SLCO1A2: variants seen among roughly 807,000 people sequenced by gnomAD.
SLCO1A2 encodes solute carrier organic anion transporter family member 1A2.
In SLCO1A2, 67 loss-of-function variants were observed where a neutral mutation model predicts 69.0. That is an observed-to-expected ratio of 0.97 (90% CI 0.80 to 1.19). SLCO1A2 has a LOEUF of 1.19. SLCO1A2 is among the 50% of genes most tolerant of loss of function. SLCO1A2 has a pLI of 0.00. For missense variants in SLCO1A2, 787 were observed against 793.7 expected (o/e 0.99, Z 0.10); for synonymous variants, 260 against 265.9 (o/e 0.98, Z 0.22).
At chr12:21,298,554 C>T (rs186560026) in intron 8 of SLCO1A2, among the ~76,000 whole-genome samples, 162 of 152,268 alleles carry the variant, frequency 1.1e-3, no homozygotes, top group Middle Eastern at 0.01. Context: ...AAGAGGAGGA[C>T]ACACAGATTA....
intron 2 of SLCO1A2, among the ~76,000 whole-genome samples, chr12:21,350,075 A>G (rs917406436): frequency 6.6e-6 from 1 of 152,178 alleles, no homozygotes; most frequent in Non-Finnish European, 1.5e-5. Flanking sequence ...CCAATTATCA[A>G]ATTGTCAAAG....
At chr12:21,388,426 C>G (rs979483623) in intron 1 of SLCO1A2, among the ~76,000 whole-genome samples, 1 of 152,100 alleles carries the variant, frequency 6.6e-6, no homozygotes, top group Non-Finnish European at 1.5e-5. Context: ...CCATGCCGTT[C>G]TTGTGATAGT....
chr12:21,318,970 G>A (rs1951233245), intron 2 of SLCO1A2, 47 bp from the exon 3 acceptor site: 2 of 1,430,932 alleles, frequency 1.4e-6, no homozygotes, highest in Non-Finnish European at 1.9e-6. Flanking sequence ...TTTTTAAATT[G>A]TATACTTGCC....
At chr12:21,369,300 G>A (rs987861042) in intron 2 of SLCO1A2, among the ~76,000 whole-genome samples, 1 of 151,940 alleles carries the variant, frequency 6.6e-6, no homozygotes, top group African/African-American at 2.4e-5. Flanking sequence ...ATATGACTTG[G>A]AGTCATTTAC....
chr12:21,328,360 A>G (rs937012086), intron 2 of SLCO1A2, among the ~76,000 whole-genome samples: 1 of 152,184 alleles, frequency 6.6e-6, no homozygotes, highest in East Asian at 1.9e-4. Flanking sequence ...CCAGAAATGC[A>G]GTTACAAATG....
At chr12:21,280,688 AATAAAT>A (rs1355970424) in intron 12 of SLCO1A2, among the ~76,000 whole-genome samples, 6 of 150,984 alleles carry the variant, frequency 4.0e-5, no homozygotes, top group Non-Finnish European at 8.9e-5. Flanking sequence ...CAAAAAAAAA[AATAAAT>A]AAATAAACAA....
intron 2 of SLCO1A2, among the ~76,000 whole-genome samples, chr12:21,370,267 C>CAT (rs1187135365): frequency 6.6e-6 from 1 of 151,866 alleles, no homozygotes; most frequent in Non-Finnish European, 1.5e-5. Flanking sequence ...TGGGATATCG[C>CAT]ATATCAATTT....
intron 12 of SLCO1A2, among the ~76,000 whole-genome samples, chr12:21,284,072 A>G (rs540432601): frequency 5.9e-5 from 9 of 152,246 alleles, no homozygotes; most frequent in African/African-American, 2.2e-4. Context: ...ATTAATATAT[A>G]CCCAAAAGAA....
rs1376571192 is a variant in SLCO1A2 at position 21,301,210 on chromosome 12, A to G, written c.649T>C (p.Cys217Arg). Residue 217 changes from cysteine to arginine, a missense_variant, in exon 7 of 15, where the codon TGT becomes CGT. Coordinates refer to ENST00000683939, the MANE Select transcript of SLCO1A2 (RefSeq NM_001386879.1). ...PLIGLLLASFCANVYVDTGFV... is the reference protein window; with the variant it reads ...PLIGLLLASFRANVYVDTGFV... The stretch of plus-strand genomic sequence containing the variant: ...CCAGTGTCAACATAAACATTTGCAC[A>G]GAATGATGCCAACAAAAGTCCAATC... 1 of 1,612,694 alleles carries G rather than the reference A, an allele frequency of 6.2e-7. No homozygotes were observed. Among genetic ancestry groups the G allele is most frequent in the Non-Finnish European group, 8.5e-7 (1 of 1,179,464 alleles).
At position 21,268,815 on chromosome 12, in the gene SLCO1A2, C is replaced by CTT. The variant is rs1437223674; in HGVS notation, c.*731_*732dup. Reference sequence around the variant, plus strand: ...GTTTTTATAATATTGTCCTTTCATCCTTTGATTCAGACACTTGTTTGTAAG... The same window carrying CTT: ...GTTTTTATAATATTGTCCTTTCATCCTTTTTGATTCAGACACTTGTTTGTAAG... On this transcript the variant is annotated 3_prime_UTR_variant, in exon 15 of 15. Transcript: ENST00000683939. 2 of 151,880 alleles carry CTT rather than the reference C, an allele frequency of 1.3e-5. No individual in the cohort carries two copies. Among genetic ancestry groups the CTT allele is most frequent in the African/African-American group, 4.8e-5 (2 of 41,382 alleles). The allele number at this position is 151,880 out of a possible 1,614,324, so 9.4% of individuals were successfully genotyped here.
At chr12:21,368,186 C>T (rs1017113207) in intron 2 of SLCO1A2, among the ~76,000 whole-genome samples, 2 of 152,000 alleles carry the variant, frequency 1.3e-5, no homozygotes, top group African/African-American at 2.4e-5. Context: ...AACAGCATCA[C>T]GTGAGACATA....
intron 2 of SLCO1A2, among the ~76,000 whole-genome samples, chr12:21,354,537 T>C (rs1019265901): frequency 2.6e-5 from 4 of 152,192 alleles, no homozygotes; most frequent in African/African-American, 9.7e-5. Flanking sequence ...TTTTCCGTCA[T>C]AGTCTCAAAA....
upstream of SLCO1A2, among the ~76,000 whole-genome samples, chr12:21,395,868 T>C (rs1418436563): frequency 6.6e-6 from 1 of 151,624 alleles, no homozygotes; most frequent in Non-Finnish European, 1.5e-5. Context: ...CAAAAACCCA[T>C]CTGTACATCA....
intron 1 of SLCO1A2, among the ~76,000 whole-genome samples, chr12:21,382,685 C>A (rs1468400424): frequency 1.3e-5 from 2 of 150,644 alleles, no homozygotes; most frequent in Non-Finnish European, 2.9e-5. Context: ...ATCCCAGATA[C>A]TTGGGAGGCT....
chr12:21,312,017 AGGG>A (rs946598919), intron 4 of SLCO1A2, among the ~76,000 whole-genome samples: 24 of 149,374 alleles, frequency 1.6e-4, no homozygotes, highest in East Asian at 1.2e-3. Flanking sequence ...GAAGAGGAGG[AGGG>A]AGGAGGAGAA....
At chr12:21,412,560 T>C (rs1236880348) in intron 1 of SLCO1A2, among the ~76,000 whole-genome samples, 1 of 152,164 alleles carries the variant, frequency 6.6e-6, no homozygotes, top group Non-Finnish European at 1.5e-5. Context: ...ATTTGTCTAT[T>C]TTGTTAGGTT....
intron 14 of SLCO1A2, chr12:21,274,231 T>G: frequency 2.5e-6 from 1 of 394,774 alleles, no homozygotes; most frequent in Admixed American, 3.7e-5. Context: ...GAACAACACT[T>G]TGAAAGCCAA....
intron 1 of SLCO1A2, among the ~76,000 whole-genome samples, chr12:21,409,571 T>C (rs920355431): frequency 2.0e-5 from 3 of 152,212 alleles, no homozygotes; most frequent in Admixed American, 6.5e-5. Flanking sequence ...TGATCTCTGG[T>C]GCAAAACAAT....
intron 2 of SLCO1A2, among the ~76,000 whole-genome samples, chr12:21,323,997 A>G (rs1305677538): frequency 6.6e-6 from 1 of 152,152 alleles, no homozygotes; most frequent in Non-Finnish European, 1.5e-5. Flanking sequence ...CAAATGAGAG[A>G]GATTTGCATC....
Sources: allele counts gnomAD v4.1 joint callset (sites outside exome capture counted in the v4.1 genomes callset), GRCh38; gene constraint gnomAD v4.1.1; transcripts MANE v1.5; gene names NCBI Gene and HGNC (gene_info 2026-07-23, HGNC 2026-07-21).